The following PTPRM variants were observed in gnomAD, a reference collection of about 807,000 sequenced individuals.
PTPRM encodes protein tyrosine phosphatase receptor type M.
In PTPRM, 47 loss-of-function variants were observed where a neutral mutation model predicts 186.7. The ratio of observed to expected loss-of-function variants is 0.25; its 90% confidence interval spans 0.20 to 0.32. The LOEUF (loss-of-function observed/expected upper bound fraction) is 0.32. Ranked by LOEUF, PTPRM falls within the 10% of genes least tolerant of loss-of-function variation. The pLI is 1.00. For synonymous variants in PTPRM, 668 were observed against 674.9 expected, an observed-to-expected ratio of 0.99 and a Z score of 0.16; for missense variants, 1,494 against 1,865.0, an observed-to-expected ratio of 0.80 and a Z score of 3.66.
intron 1 of PTPRM, among the ~76,000 whole-genome samples, chr18:7,588,373 TAAG>T (rs2037035389): frequency 6.6e-6 from 1 of 152,178 alleles, no homozygotes; most frequent in African/African-American, 2.4e-5. Flanking sequence ...ATATTTTTGT[TAAG>T]AGGTAGAAAA....
intron 2 of PTPRM, among the ~76,000 whole-genome samples, chr18:7,776,368 G>A (rs2042579996): frequency 1.3e-5 from 2 of 152,170 alleles, no homozygotes; most frequent in Admixed American, 6.5e-5. Context: ...AGTGAGGAAA[G>A]GGAAGGACTG....
intron 23 of PTPRM, among the ~76,000 whole-genome samples, chr18:8,346,349 CT>C (rs1158616678): frequency 2.0e-5 from 3 of 152,258 alleles, no homozygotes; most frequent in African/African-American, 7.2e-5. Context: ...GATTCTGCTT[CT>C]GGTGCAGGCC....
chr18:8,379,929 G>T (rs2095721579), intron 28 of PTPRM, among the ~76,000 whole-genome samples: 1 of 152,092 alleles, frequency 6.6e-6, no homozygotes, highest in South Asian at 2.1e-4. Context: ...CATACAAATT[G>T]CTAGCAAACA....
intron 19 of PTPRM, among the ~76,000 whole-genome samples, chr18:8,272,880 A>C (rs2094789681): frequency 6.6e-6 from 1 of 152,110 alleles, no homozygotes; most frequent in Admixed American, 6.5e-5. Flanking sequence ...TATATTTTGG[A>C]GCTAAGTTAT....
chr18:8,123,191 A>T (rs914409703), intron 13 of PTPRM, among the ~76,000 whole-genome samples: 3 of 152,206 alleles, frequency 2.0e-5, no homozygotes, highest in African/African-American at 7.2e-5. Context: ...TTCTAACATG[A>T]TTACCTGGGC....
chr18:8,378,495 C>T (rs2095710425), intron 27 of PTPRM, 81 bp downstream of exon 27: 1 of 1,515,530 alleles, frequency 6.6e-7, no homozygotes, highest in African/African-American at 1.4e-5. Flanking sequence ...TGAGTGAGCC[C>T]TTGAATCACA....
intron 22 of PTPRM, among the ~76,000 whole-genome samples, chr18:8,339,717 CT>C (rs1467859554): frequency 1.3e-5 from 2 of 151,818 alleles, no homozygotes; most frequent in African/African-American, 4.8e-5. Context: ...CATCTTTGGA[CT>C]TGTGATGTTG....
chr18:8,290,617 C>T lies in PTPRM; in HGVS notation c.2755-5751C>T, dbSNP rs146928717. On this transcript the variant is annotated intron_variant, in intron 19 of 32. Coordinates refer to ENST00000580170, the MANE Select transcript of PTPRM (RefSeq NM_001105244.2). ...GCAGGATGTTCAATTTCCTTCTGCTCTGTGCCCATGGAGAGTACAGCATCT... is the reference window on the plus strand; with the variant it reads ...GCAGGATGTTCAATTTCCTTCTGCTTTGTGCCCATGGAGAGTACAGCATCT... Among the ~76,000 whole-genome samples the T allele has an allele frequency of 3.3e-4, 51 of 152,272 alleles. 1 individual carries two copies. The highest frequency in any genetic ancestry group is 1.2e-3 in the African/African-American group (51 of 41,562).
At chr18:7,700,949 C>T (rs956928844) in intron 1 of PTPRM, among the ~76,000 whole-genome samples, 1 of 134,468 alleles carries the variant, frequency 7.4e-6, no homozygotes. Context: ...TGCACTCCAG[C>T]CTGGCAACAG....
At chr18:8,233,067 C>T (rs1028338435) in intron 14 of PTPRM, among the ~76,000 whole-genome samples, 1 of 152,134 alleles carries the variant, frequency 6.6e-6, no homozygotes, top group Non-Finnish European at 1.5e-5. Flanking sequence ...AACCTTTTGG[C>T]GACAGGAGCA....
At chr18:7,942,649 G>A (rs113727225) in intron 5 of PTPRM, among the ~76,000 whole-genome samples, 5 of 151,926 alleles carry the variant, frequency 3.3e-5, no homozygotes, top group Non-Finnish European at 5.9e-5. Flanking sequence ...TTGGTGGGGG[G>A]GCGGGGAGGG....
chr18:7,862,743 C>T (rs901743016), intron 2 of PTPRM, among the ~76,000 whole-genome samples: 1 of 152,182 alleles, frequency 6.6e-6, no homozygotes, highest in African/African-American at 2.4e-5. Context: ...ATGTAACAAA[C>T]TCGCAGAATC....
intron 1 of PTPRM, among the ~76,000 whole-genome samples, chr18:7,667,817 G>T (rs1187513115): frequency 1.3e-5 from 2 of 152,048 alleles, no homozygotes; most frequent in Non-Finnish European, 2.9e-5. Context: ...GCAGAAAGTT[G>T]CAAGGCTACA....
chr18:8,331,261 G>C (rs568801249), intron 22 of PTPRM, among the ~76,000 whole-genome samples: 29 of 152,244 alleles, frequency 1.9e-4, no homozygotes, highest in African/African-American at 7.0e-4. Context: ...AAATGCTTTG[G>C]AACATTTCAA....
intron 2 of PTPRM, among the ~76,000 whole-genome samples, chr18:7,781,872 C>A (rs367789014): frequency 3.3e-5 from 5 of 152,016 alleles, no homozygotes; most frequent in African/African-American, 1.2e-4. Flanking sequence ...AGTTACTCTC[C>A]TTCCTTGAAT....
At chr18:7,678,036 A>G (rs1158704648) in intron 1 of PTPRM, among the ~76,000 whole-genome samples, 1 of 151,944 alleles carries the variant, frequency 6.6e-6, no homozygotes, top group Non-Finnish European at 1.5e-5. Flanking sequence ...GAAGGACTGA[A>G]TGAAGGAGTC....
chr18:8,025,238 A>G (rs2085497076), intron 7 of PTPRM, among the ~76,000 whole-genome samples: 1 of 152,170 alleles, frequency 6.6e-6, no homozygotes, highest in Non-Finnish European at 1.5e-5. Flanking sequence ...GTTTCTCTCC[A>G]CTTAGACCAA....
intron 2 of PTPRM, among the ~76,000 whole-genome samples, chr18:7,855,969 TGCTTTTTCTCA>T (rs2047074488): frequency 6.6e-6 from 1 of 152,186 alleles, no homozygotes; most frequent in Admixed American, 6.6e-5. Context: ...TGGGACAAGT[TGCTTTTTCTCA>T]GCTTCTGGAA....
rs995366684 is a variant in PTPRM at position 7,736,476 on chromosome 18, G to A, written c.74-37673G>A. On this transcript the variant is annotated intron_variant, in intron 1 of 32. Coordinates refer to ENST00000580170, the MANE Select transcript of PTPRM (RefSeq NM_001105244.2). ...CTGGGATTGTAGCAGGACTAGCTGC[G>A]GACAAAACCTCTCAGACACCGAGTT... Among the ~76,000 whole-genome samples the A allele has an allele frequency of 2.6e-5, 4 of 152,016 alleles. No individual in the cohort carries two copies. In the South Asian group the frequency reaches 6.2e-4, roughly 24 times the overall value.
Sources: gnomAD v4.1 joint callset for allele counts (sites outside exome capture counted in the v4.1 genomes callset) on GRCh38, gnomAD v4.1.1 for gene constraint, MANE v1.5 for transcripts, NCBI Gene and HGNC (gene_info 2026-07-23, HGNC 2026-07-21) for gene names.